Variants in EMC3 observed in about 807,000 individuals in gnomAD.
EMC3 encodes ER membrane protein complex subunit 3.
EMC3 carries 13 observed loss-of-function variants against 36.6 expected under a neutral mutation model. The ratio of observed to expected loss-of-function variants is 0.35; its 90% CI spans 0.23 to 0.56. EMC3 has a LOEUF of 0.56. Ranked by LOEUF, EMC3 falls within the 20% of genes least tolerant of loss-of-function variation. The pLI is 0.84. For missense variants in EMC3, 220 were observed against 324.5 expected (o/e 0.68, Z 2.47); for synonymous variants, 120 against 111.9 (o/e 1.07, Z -0.46).
intron 1 of EMC3, among the ~76,000 whole-genome samples, chr3:9,997,022 A>C (rs2130813): frequency 0.22 from 33,233 of 151,962 alleles, 4,211 homozygotes; most frequent in African/African-American, 0.35. Flanking sequence ...CATTACCACT[A>C]TCCATTTCTA....
Position 9,969,438 on chromosome 3 carries a change from T to C in EMC3, c.657+281A>G. 3 of 1,316,530 alleles carry C rather than the reference T, an allele frequency of 2.3e-6. No homozygotes were observed. In the South Asian group the frequency reaches 4.7e-5, roughly 21 times the overall value. 81.6% of individuals were successfully genotyped at this position (1,316,530 alleles called of 1,614,324 possible). ...TCAAAAAGGTTCAAATTATTCTAAATGTTTACCTGGCACCTCCGATTGGAT... is the reference window on the plus strand; with the variant it reads ...TCAAAAAGGTTCAAATTATTCTAAACGTTTACCTGGCACCTCCGATTGGAT... On this transcript the variant is annotated intron_variant, in intron 7 of 7. Coordinates refer to ENST00000245046, the MANE Select transcript of EMC3 (RefSeq NM_001394674.1).
intron 1 of EMC3, among the ~76,000 whole-genome samples, chr3:9,983,853 G>T (rs760028971): frequency 2.7e-4 from 41 of 152,138 alleles, no homozygotes; most frequent in Non-Finnish European, 4.9e-4. Flanking sequence ...TTTAACCTGG[G>T]AGTGAGACTG....
chr3:9,988,348 T>A, upstream of EMC3: 1 of 980,892 alleles, frequency 1.0e-6, no homozygotes, highest in Non-Finnish European at 1.6e-6. Context: ...GAAGAGTAAT[T>A]TTTTTCCTCT....
intron 2 of EMC3, 81 bp downstream of exon 2, chr3:9,977,308 C>T (rs2085860406): frequency 7.4e-7 from 1 of 1,358,054 alleles, no homozygotes; most frequent in Admixed American, 2.3e-5. Context: ...TAGCTTTCCC[C>T]AGAGCCCCCT....
At chr3:9,984,207 G>A (rs906416876) in intron 1 of EMC3, among the ~76,000 whole-genome samples, 1 of 151,858 alleles carries the variant, frequency 6.6e-6, no homozygotes, top group Non-Finnish European at 1.5e-5. Flanking sequence ...TCAGCCTCCC[G>A]AGTAGCTGGG....
chr3:9,993,918 G>A (rs2086088649), intron 1 of EMC3, among the ~76,000 whole-genome samples: 1 of 152,258 alleles, frequency 6.6e-6, no homozygotes, highest in Admixed American at 6.5e-5. Flanking sequence ...ATCCCAAATC[G>A]AGCAGATAGG....
Position 9,963,497 on chromosome 3 carries a change from T to G in EMC3, c.*572A>C. 8.0e-6 allele frequency: 1 copy of G among 125,400 alleles called. No individual in the cohort carries two copies. The highest frequency in any genetic ancestry group is 3.4e-5 in the African/African-American group (1 of 29,530). The allele number at this position is 125,400 out of a possible 1,614,324, so 7.8% of individuals were successfully genotyped here. On this transcript the variant is annotated 3_prime_UTR_variant, in exon 8 of 8. Coordinates refer to ENST00000245046, the MANE Select transcript of EMC3 (RefSeq NM_001394674.1). ...TATATATTTTTTTTTTTTTTTCAGA[T>G]GGAGTTTTGCTCTGTCGCCCAGGCT...
At chr3:9,972,662 C>T (rs911363955) in intron 5 of EMC3, among the ~76,000 whole-genome samples, 1 of 150,958 alleles carries the variant, frequency 6.6e-6, no homozygotes, top group African/African-American at 2.4e-5. Flanking sequence ...TCCAAGTACT[C>T]GGGAGGCTGA....
chr3:9,974,697 TACAG>T (rs1199943578), intron 3 of EMC3, among the ~76,000 whole-genome samples: 1 of 151,490 alleles, frequency 6.6e-6, no homozygotes, highest in Non-Finnish European at 1.5e-5. Context: ...TAGATGGGAC[TACAG>T]GTGCCTGCCA....
upstream of EMC3, among the ~76,000 whole-genome samples, chr3:9,989,969 T>C (rs1399700247): frequency 2.6e-5 from 4 of 151,598 alleles, no homozygotes. Flanking sequence ...AACTTTTTTT[T>C]TTTTTTTTTC....
At chr3:9,977,801 C>T (rs1160171545) in intron 1 of EMC3, among the ~76,000 whole-genome samples, 1 of 151,838 alleles carries the variant, frequency 6.6e-6, no homozygotes, top group Non-Finnish European at 1.5e-5. Flanking sequence ...GATCTGGGGT[C>T]AGGAGAAAGG....
rs577017723 is a variant in EMC3 at position 9,962,683 on chromosome 3, A to C, written c.*1386T>G. On this transcript the variant is annotated 3_prime_UTR_variant, in exon 8 of 8. Coordinates refer to ENST00000245046, the MANE Select transcript of EMC3 (RefSeq NM_001394674.1). ...AGAGGCAACACTTTCACAGGCAAAG[A>C]AGAGAAAACAGGACGGTTTAATTTG... 1 of 152,784 alleles carries C rather than the reference A, an allele frequency of 6.5e-6. No individual in the cohort carries two copies. Among genetic ancestry groups the C allele is most frequent in the Admixed American group, 6.5e-5 (1 of 15,308 alleles). The allele number at this position is 152,784 out of a possible 1,614,324, so 9.5% of individuals were successfully genotyped here.
chr3:9,999,229 T>A (rs2124934778), intron 1 of EMC3, among the ~76,000 whole-genome samples: 1 of 151,994 alleles, frequency 6.6e-6, no homozygotes, highest in South Asian at 2.1e-4. Context: ...TTAGTTTCGA[T>A]AAAGTCAAAT....
chr3:10,009,429 C>A (rs1268359008), intron 1 of EMC3, among the ~76,000 whole-genome samples: 1 of 152,178 alleles, frequency 6.6e-6, no homozygotes, highest in African/African-American at 2.4e-5. Flanking sequence ...GAAAAGCAAA[C>A]CCCACCAAAC....
At chr3:9,986,935 C>G (rs977771851), upstream of EMC3, 17 of 1,227,966 alleles carry the variant, frequency 1.4e-5, no homozygotes, top group Non-Finnish European at 1.5e-5. Flanking sequence ...TCGGCGGTGG[C>G]CCAGGCTCGG....
upstream of EMC3, among the ~76,000 whole-genome samples, chr3:9,989,349 G>T (rs1329039004): frequency 3.9e-5 from 6 of 152,148 alleles, no homozygotes; most frequent in Non-Finnish European, 7.4e-5. Flanking sequence ...TCAGGAGTTT[G>T]AGACCAGCCT....
intron 1 of EMC3, among the ~76,000 whole-genome samples, chr3:9,980,928 C>T (rs1212620896): frequency 1.3e-5 from 2 of 152,164 alleles, no homozygotes; most frequent in Non-Finnish European, 2.9e-5. Flanking sequence ...GGCGTGGTGG[C>T]TCTCGCCTGT....
intron 1 of EMC3, among the ~76,000 whole-genome samples, chr3:9,983,431 T>C (rs755674738): frequency 6.6e-6 from 1 of 152,136 alleles, no homozygotes; most frequent in Non-Finnish European, 1.5e-5. Context: ...TACAAGCATG[T>C]GCTACTGTGT....
At chr3:9,976,548 G>A (rs761285385) in intron 3 of EMC3, among the ~76,000 whole-genome samples, 3 of 152,144 alleles carry the variant, frequency 2.0e-5, no homozygotes, top group African/African-American at 7.2e-5. Flanking sequence ...TGGAAGTACT[G>A]CACTCTTCCT....
Sources: gnomAD v4.1 joint callset for allele counts (sites outside exome capture counted in the v4.1 genomes callset) on GRCh38, gnomAD v4.1.1 for gene constraint, MANE v1.5 for transcripts, NCBI Gene and HGNC (gene_info 2026-07-23, HGNC 2026-07-21) for gene names.